NAV3: variants seen among roughly 807,000 people sequenced by gnomAD.
NAV3 encodes pore membrane and/or filament interacting like protein 1.
NAV3 carries 87 observed loss-of-function variants against 244.7 expected under a neutral mutation model. The observed-to-expected ratio is 0.36, with a 90% CI of 0.30 to 0.42. The LOEUF (loss-of-function observed/expected upper bound fraction) is 0.42. Among genes scored for constraint, NAV3 ranks in the 20% least tolerant of loss-of-function variants. The pLI is 1.00. For missense variants in NAV3, 2,663 were observed against 2,893.3 expected, an observed-to-expected ratio of 0.92 and a Z score of 1.83; for synonymous variants, 1,126 against 1,042.2, an observed-to-expected ratio of 1.08 and a Z score of -1.55.
At chr12:78,196,722 A>C (rs1959180079) in intron 34 of NAV3, among the ~76,000 whole-genome samples, 1 of 152,044 alleles carries the variant, frequency 6.6e-6, no homozygotes, top group Admixed American at 6.6e-5. Context: ...ACTTTTATCA[A>C]GGTCCTATGG....
rs1876474053 is a variant in NAV3, at chr12:78,017,772, T to G, written c.1908-3975T>G. Among the ~76,000 whole-genome samples, 2 of 152,172 alleles carry G rather than the reference T, an allele frequency of 1.3e-5. 1 individual carries two copies. The highest frequency in any genetic ancestry group is 4.1e-4 in the South Asian group (2 of 4,832). ...ATGAATCAACCCAAATATTTTTATT[T>G]AACTGGTACAAATCATGCATAAAAA... is the stretch of plus-strand genomic sequence containing the variant. On this transcript the variant is annotated intron_variant, in intron 8 of 39. Transcript: ENST00000397909.
chr12:77,659,963 G>A (rs1246558896), intron 2 of NAV3, among the ~76,000 whole-genome samples: 1 of 139,568 alleles, frequency 7.2e-6, no homozygotes, highest in Admixed American at 7.4e-5. Context: ...CTGTTGTGGG[G>A]TAGGGGGAGG....
chr12:77,701,352 C>T (rs1875552889), intron 2 of NAV3, among the ~76,000 whole-genome samples: 1 of 151,902 alleles, frequency 6.6e-6, no homozygotes. Flanking sequence ...CCATACTATT[C>T]TCTGTAAGCT....
intron 11 of NAV3, among the ~76,000 whole-genome samples, chr12:78,052,026 C>T (rs951355534): frequency 6.6e-6 from 1 of 152,174 alleles, no homozygotes; most frequent in Admixed American, 6.5e-5. Flanking sequence ...CTATGTCTGA[C>T]TTCAAACACA....
At chr12:77,828,049 T>C (rs77283926), upstream of NAV3, among the ~76,000 whole-genome samples, 1 of 152,118 alleles carries the variant, frequency 6.6e-6, no homozygotes, top group Non-Finnish European at 1.5e-5. Flanking sequence ...GAGTTTTGCA[T>C]CCCCTCCAAA....
chr12:77,865,309 TAAGA>T (rs544685092), intron 1 of NAV3, among the ~76,000 whole-genome samples: 21 of 152,196 alleles, frequency 1.4e-4, no homozygotes, highest in African/African-American at 4.8e-4. Flanking sequence ...TTCTATTGAA[TAAGA>T]AAGAAAAACA....
chr12:77,731,913 T>C (rs556649644), intron 2 of NAV3, among the ~76,000 whole-genome samples: 2 of 151,962 alleles, frequency 1.3e-5, no homozygotes, highest in Admixed American at 6.6e-5. Context: ...GGAAAGACAA[T>C]TGAGGAACTG....
chr12:78,032,712 G>A (rs545872373), intron 9 of NAV3, among the ~76,000 whole-genome samples: 6 of 152,244 alleles, frequency 3.9e-5, no homozygotes, highest in African/African-American at 1.4e-4. Flanking sequence ...TTACAGTGCT[G>A]GCTGAATTAA....
At chr12:77,659,807 G>T (rs1355736660) in intron 2 of NAV3, among the ~76,000 whole-genome samples, 1 of 152,154 alleles carries the variant, frequency 6.6e-6, no homozygotes, top group African/African-American at 2.4e-5. Context: ...CATGTCCTTT[G>T]TAGGGACATG....
chr12:77,761,660 A>G (rs1394995443), intron 2 of NAV3, among the ~76,000 whole-genome samples: 2 of 152,238 alleles, frequency 1.3e-5, no homozygotes, highest in Non-Finnish European at 2.9e-5. Flanking sequence ...TATGCGGCCA[A>G]GAAACATATG....
intron 18 of NAV3, chr12:78,130,682 C>T: frequency 6.6e-6 from 1 of 152,598 alleles, no homozygotes; most frequent in East Asian, 1.9e-4. Context: ...TCTTTAATGA[C>T]TGCGTAGAGG....
At chr12:77,928,145 T>A (rs1361843574) in intron 1 of NAV3, among the ~76,000 whole-genome samples, 1 of 141,706 alleles carries the variant, frequency 7.1e-6, no homozygotes, top group East Asian at 2.1e-4. Context: ...ATTGCTTGAA[T>A]CAGGGAGGTA....
At chr12:77,858,313 A>T (rs1272990471) in intron 1 of NAV3, among the ~76,000 whole-genome samples, 1 of 152,026 alleles carries the variant, frequency 6.6e-6, no homozygotes, top group Non-Finnish European at 1.5e-5. Context: ...GTTTAAGCGG[A>T]ATTGGGTTCC....
At chr12:78,100,922 T>G (rs372394) in intron 12 of NAV3, among the ~76,000 whole-genome samples, 33,429 of 152,100 alleles carry the variant, frequency 0.22, 3,641 homozygotes, top group Non-Finnish European at 0.23. Context: ...GTCTTCATTT[T>G]CCTGATAATG....
chr12:78,027,869 A>T (rs1878338736), intron 9 of NAV3, among the ~76,000 whole-genome samples: 1 of 152,188 alleles, frequency 6.6e-6, no homozygotes, highest in African/African-American at 2.4e-5. Flanking sequence ...TGTGTGGCAT[A>T]AAGATATTGT....
chr12:78,183,586 A>G lies in NAV3; in HGVS notation c.5693-2015A>G, dbSNP rs1176596342. Among the ~76,000 whole-genome samples, 5 of 151,900 alleles carry G rather than the reference A, an allele frequency of 3.3e-5. No homozygotes were observed. The Admixed American group carries it at 3.3e-4, about 10-fold the overall frequency. On this transcript the variant is annotated intron_variant, in intron 30 of 39. Transcript: ENST00000397909. ...GACCTGGACTTTTCACTATTGTGTT[A>G]ATTTTGCTTTAAATAGCCACATAAT...
At chr12:77,859,637 G>T (rs1479244520) in intron 1 of NAV3, among the ~76,000 whole-genome samples, 7 of 136,646 alleles carry the variant, frequency 5.1e-5, no homozygotes, top group East Asian at 2.1e-4. Flanking sequence ...AAATCAAAGT[G>T]AAAAAAAAAA....
chr12:77,587,245 G>A lies in NAV3; in HGVS notation c.72+14979G>A, dbSNP rs573240714. On this transcript the variant is annotated intron_variant, in intron 2 of 8. Coordinates refer to the NAV3 transcript ENST00000550042. Reference sequence around the variant, plus strand: ...TGCTTTCCATGATCTCATGGGGGATGAAATGCTGTTTCAACTTTTCAAATA... The same window carrying A: ...TGCTTTCCATGATCTCATGGGGGATAAAATGCTGTTTCAACTTTTCAAATA... Among the ~76,000 whole-genome samples the A allele has an allele frequency of 1.2e-4, 19 of 152,256 alleles. No individual in the cohort carries two copies. In the South Asian group the frequency reaches 3.9e-3, roughly 32 times the overall value.
At chr12:77,984,555 A>T (rs1870141274) in intron 5 of NAV3, among the ~76,000 whole-genome samples, 1 of 151,046 alleles carries the variant, frequency 6.6e-6, no homozygotes, top group African/African-American at 2.4e-5. Context: ...TTTGGTCCTC[A>T]TAAAAGCCTT....
Sources: allele counts gnomAD v4.1 joint callset (sites outside exome capture counted in the v4.1 genomes callset), GRCh38; gene constraint gnomAD v4.1.1; transcripts MANE v1.5; gene names NCBI Gene and HGNC (gene_info 2026-07-23, HGNC 2026-07-21).